PHLPP1: variants seen among roughly 807,000 people sequenced by gnomAD.
PHLPP1 encodes the protein PH domain and leucine rich repeat protein phosphatase 1.
In PHLPP1, 42 loss-of-function variants were observed where a neutral mutation model predicts 117.2. That is an observed-to-expected ratio of 0.36 (90% confidence interval 0.28 to 0.46). The LOEUF is 0.46. PHLPP1 is among the 20% of genes least tolerant of loss of function. PHLPP1 has a pLI of 1.00. For missense variants in PHLPP1, 2,084 were observed against 2,241.9 expected (o/e 0.93, Z 1.42); for synonymous variants, 1,042 against 970.7 (o/e 1.07, Z -1.37).
chr18:62,874,668 C>T (rs1915999482), intron 4 of PHLPP1, among the ~76,000 whole-genome samples: 1 of 147,654 alleles, frequency 6.8e-6, no homozygotes, highest in African/African-American at 2.7e-5. Flanking sequence ...CACACACACA[C>T]ACACACACAC....
At chr18:62,836,464 TAA>T (rs1328791053) in intron 2 of PHLPP1, among the ~76,000 whole-genome samples, 7 of 147,140 alleles carry the variant, frequency 4.8e-5, no homozygotes, top group African/African-American at 1.7e-4. Context: ...AATAAATAAA[TAA>T]ATAAATAAAT....
chr18:62,851,419 T>A (rs931003808), intron 3 of PHLPP1, among the ~76,000 whole-genome samples: 1 of 152,162 alleles, frequency 6.6e-6, no homozygotes, highest in Non-Finnish European at 1.5e-5. Flanking sequence ...AGATCCTACC[T>A]CTCCCACATG....
chr18:62,738,190 A>AT (rs142560888), intron 1 of PHLPP1, among the ~76,000 whole-genome samples: 270 of 149,246 alleles, frequency 1.8e-3, no homozygotes, highest in South Asian at 3.2e-3. Flanking sequence ...TTTCTCTACC[A>AT]TTTTTTTTTT....
At chr18:62,915,669 T>G (rs683109) in intron 9 of PHLPP1, among the ~76,000 whole-genome samples, 1 of 152,056 alleles carries the variant, frequency 6.6e-6, no homozygotes, top group Admixed American at 6.6e-5. Context: ...TTAGTGGACT[T>G]TTAGTGACTA....
intron 1 of PHLPP1, among the ~76,000 whole-genome samples, chr18:62,732,458 A>G (rs1343253700): frequency 6.6e-6 from 1 of 152,212 alleles, no homozygotes; most frequent in East Asian, 1.9e-4. Context: ...TCAGAAAAAG[A>G]AAAGATTCCT....
At chr18:62,934,671 C>T (rs902868091) in intron 10 of PHLPP1, among the ~76,000 whole-genome samples, 2 of 152,030 alleles carry the variant, frequency 1.3e-5, no homozygotes, top group Non-Finnish European at 1.5e-5. Context: ...ACAATTTACC[C>T]GTTTAACAAA....
intron 10 of PHLPP1, among the ~76,000 whole-genome samples, chr18:62,928,573 T>G (rs1015867189): frequency 5.9e-5 from 9 of 152,150 alleles, no homozygotes; most frequent in Non-Finnish European, 1.0e-4. Context: ...GAATGTAAAG[T>G]GATGCAAGTA....
rs572566161 is a variant in PHLPP1 at position 62,967,054 on chromosome 18, C to T, written c.3560+3582C>T. ...TGTACTATTGCATGTGTCAGTAGTT[C>T]GTTTCTTTTCATTGCTTTTTATTGC... On this transcript the variant is annotated intron_variant, in intron 14 of 16. Transcript: ENST00000262719. Among the ~76,000 whole-genome samples the T allele has an allele frequency of 9.9e-5, 15 of 152,256 alleles. No homozygotes were observed. In the East Asian group the frequency reaches 1.5e-3, roughly 16 times the overall value.
At chr18:62,785,530 A>G (rs1007978503) in intron 1 of PHLPP1, among the ~76,000 whole-genome samples, 9 of 152,194 alleles carry the variant, frequency 5.9e-5, no homozygotes, top group Non-Finnish European at 1.3e-4. Flanking sequence ...CTGTTTATAG[A>G]TTAGTAACAT....
chr18:62,974,958 A>G (rs1294347209), intron 15 of PHLPP1, among the ~76,000 whole-genome samples: 1 of 152,198 alleles, frequency 6.6e-6, no homozygotes, highest in African/African-American at 2.4e-5. Flanking sequence ...TAGGGTGTTT[A>G]TACCTGCTCT....
intron 1 of PHLPP1, among the ~76,000 whole-genome samples, chr18:62,790,879 G>A (rs1168272154): frequency 1.3e-5 from 2 of 152,150 alleles, no homozygotes; most frequent in African/African-American, 4.8e-5. Flanking sequence ...GGATATACAT[G>A]GCAAAGAGGG....
chr18:62,778,521 T>G (rs1406449391), intron 1 of PHLPP1, among the ~76,000 whole-genome samples: 2 of 152,234 alleles, frequency 1.3e-5, no homozygotes, highest in Non-Finnish European at 2.9e-5. Flanking sequence ...AATTCATTAT[T>G]CTGAACTCCC....
intron 3 of PHLPP1, among the ~76,000 whole-genome samples, chr18:62,842,250 G>C (rs1443051188): frequency 6.6e-6 from 1 of 152,130 alleles, no homozygotes; most frequent in Admixed American, 6.6e-5. Flanking sequence ...GTTACCTTTT[G>C]CTGCTCTTAA....
At chr18:62,829,152 T>C (rs1033483994) in intron 1 of PHLPP1, among the ~76,000 whole-genome samples, 1 of 152,208 alleles carries the variant, frequency 6.6e-6, no homozygotes, top group African/African-American at 2.4e-5. Flanking sequence ...TCATAAGCAT[T>C]GTAGGACCCA....
At chr18:62,722,580 G>A (rs971453635) in intron 1 of PHLPP1, among the ~76,000 whole-genome samples, 1 of 152,082 alleles carries the variant, frequency 6.6e-6, no homozygotes, top group African/African-American at 2.4e-5. Context: ...GTAATGAGGG[G>A]TTTTGAATCT....
chr18:62,746,382 A>G (rs569343349), intron 1 of PHLPP1, among the ~76,000 whole-genome samples: 7 of 152,300 alleles, frequency 4.6e-5, no homozygotes, highest in Admixed American at 1.3e-4. Flanking sequence ...CTCAAATGTT[A>G]GCACTTTCTT....
intron 13 of PHLPP1, 86 bp downstream of exon 13, chr18:62,958,845 GA>G: frequency 6.8e-7 from 1 of 1,464,896 alleles, no homozygotes. Context: ...AACAAAATAT[GA>G]AGCATCATTG....
intron 1 of PHLPP1, among the ~76,000 whole-genome samples, chr18:62,811,907 TTGA>T (rs1568124931): frequency 6.6e-6 from 1 of 152,130 alleles, no homozygotes; most frequent in East Asian, 1.9e-4. Flanking sequence ...GGGCAGTGAG[TTGA>T]TTATTATCTA....
chr18:62,942,038 C>G (rs1037419090), intron 11 of PHLPP1, 120 bp downstream of exon 11: 1 of 729,494 alleles, frequency 1.4e-6, no homozygotes, highest in Non-Finnish European at 2.3e-6. Context: ...TGTTCCTGCT[C>G]CCTTCACAGT....
Sources: allele counts gnomAD v4.1 joint callset (sites outside exome capture counted in the v4.1 genomes callset), GRCh38; gene constraint gnomAD v4.1.1; transcripts MANE v1.5; gene names NCBI Gene and HGNC (gene_info 2026-07-23, HGNC 2026-07-21).